Variants in SESTD1 observed in about 807,000 individuals in gnomAD.
The protein encoded by SESTD1 is SEC14 and spectrin domain containing 1, also known as SEC14 domain and spectrin repeat-containing protein 1.
Under a neutral mutation model 101.7 loss-of-function variants are expected in SESTD1, and 43 were observed. The ratio of observed to expected loss-of-function variants is 0.42; its 90% CI spans 0.33 to 0.55. The LOEUF (loss-of-function observed/expected upper bound fraction) is 0.55. SESTD1 is among the 20% of genes least tolerant of loss of function. The pLI is 0.07. For synonymous variants in SESTD1, 283 were observed against 286.8 expected (o/e 0.99, Z 0.13); for missense variants, 647 against 815.1 (o/e 0.79, Z 2.51).
rs2044413525 is a variant in SESTD1, at chr2:179,107,663, T to C, written c.*2236A>G. 1 of 152,166 alleles carries C rather than the reference T, an allele frequency of 6.6e-6. No homozygotes were observed. Among genetic ancestry groups the C allele is most frequent in the African/African-American group, 2.4e-5 (1 of 41,442 alleles). The allele number at this position is 152,166 out of a possible 1,614,324, so 9.4% of individuals were successfully genotyped here. On this transcript the variant is annotated 3_prime_UTR_variant, in exon 18 of 18. Coordinates refer to ENST00000428443, the MANE Select transcript of SESTD1 (RefSeq NM_178123.5). ...TTAAAAAAGTATGTTTAAAACATAC[T>C]TCAGACTGCAATGTAACAGGGATTA...
intron 1 of SESTD1, among the ~76,000 whole-genome samples, chr2:179,257,089 A>G (rs1313144818): frequency 1.3e-5 from 2 of 152,226 alleles, no homozygotes; most frequent in African/African-American, 2.4e-5. Context: ...GAGTCCATCA[A>G]TGTGGCATAC....
intron 1 of SESTD1, among the ~76,000 whole-genome samples, chr2:179,248,483 A>G (rs1012836225): frequency 1.3e-5 from 2 of 152,168 alleles, no homozygotes; most frequent in Admixed American, 6.5e-5. Flanking sequence ...CCTAAACTAA[A>G]TATTAGCAAA....
chr2:179,170,191 C>A, intron 5 of SESTD1, among the ~76,000 whole-genome samples: 1 of 149,510 alleles, frequency 6.7e-6, no homozygotes, highest in South Asian at 2.1e-4. Context: ...ACTGTTTCTC[C>A]ACCTGTGAAA....
chr2:179,162,585 GTT>G (rs1559122153), intron 5 of SESTD1: 3 of 151,912 alleles, frequency 2.0e-5, no homozygotes, highest in African/African-American at 7.3e-5. Context: ...ATTACTGAGT[GTT>G]CTTTCATGCA....
At chr2:179,194,105 G>C (rs921601021) in intron 1 of SESTD1, among the ~76,000 whole-genome samples, 3 of 152,046 alleles carry the variant, frequency 2.0e-5, no homozygotes, top group Non-Finnish European at 2.9e-5. Context: ...TCCCCAACTA[G>C]CTGGATGGGT....
At chr2:179,128,611 C>T (rs1383602741) in intron 10 of SESTD1, among the ~76,000 whole-genome samples, 1 of 151,902 alleles carries the variant, frequency 6.6e-6, no homozygotes, top group Admixed American at 6.6e-5. Context: ...TGCCTGTAAT[C>T]CCAGCTACTC....
chr2:179,242,058 C>T (rs977860730), intron 1 of SESTD1, among the ~76,000 whole-genome samples: 2 of 151,802 alleles, frequency 1.3e-5, no homozygotes, highest in Non-Finnish European at 2.9e-5. Flanking sequence ...GATTGTATAC[C>T]TAGAAAACAC....
chr2:179,187,798 C>T (rs1010570864), intron 2 of SESTD1, among the ~76,000 whole-genome samples: 2 of 152,040 alleles, frequency 1.3e-5, no homozygotes, highest in African/African-American at 4.8e-5. Flanking sequence ...TCAGAAAAAA[C>T]AGACTTTAAA....
Position 179,209,829 on chromosome 2 carries a change from C to T in SESTD1, c.-25-17963G>A, listed in dbSNP as rs987213669. ...ACTAGAGAAACAAGAACAAATGAAA[C>T]CCAAACCCAGCAGAAGAAAAGAAAT... On this transcript the variant is annotated intron_variant, in intron 1 of 17. Transcript: ENST00000428443. 2.1e-4 allele frequency among the ~76,000 whole-genome samples: 28 copies of T among 132,696 alleles called. 3 individuals are homozygous for T. Among genetic ancestry groups the T allele is most frequent in the Admixed American group, 1.5e-4 (2 of 13,674 alleles). The allele number at this position is 132,696 out of a possible 152,430, so 87.1% of individuals were successfully genotyped here. A position where few individuals can be genotyped will look rare whatever the true frequency, so the allele number is the denominator to read the frequency against.
In SESTD1 at chr2:179,209,761, C is replaced by A. The variant is rs973494588; in HGVS notation, c.-25-17895G>T. Among the ~76,000 whole-genome samples the A allele has an allele frequency of 3.0e-5, 4 of 133,066 alleles. 2 individuals are homozygous for A. The highest frequency in any genetic ancestry group is 1.2e-4 in the African/African-American group (4 of 33,448). The allele number at this position is 133,066 out of a possible 152,430, so 87.3% of individuals were successfully genotyped here. Reference sequence around the variant, plus strand: ...TTAAATGCCTATTACATCAAAAAGTCGGAAAGTGCACAAATTGACAATCTA... The same window carrying A: ...TTAAATGCCTATTACATCAAAAAGTAGGAAAGTGCACAAATTGACAATCTA... On this transcript the variant is annotated intron_variant, in intron 1 of 17. Transcript: ENST00000428443.
chr2:179,142,006 C>T lies in SESTD1; in HGVS notation c.849+1586G>A, dbSNP rs1407000425. Among the ~76,000 whole-genome samples, 5 of 152,118 alleles carry T rather than the reference C, an allele frequency of 3.3e-5. No individual in the cohort carries two copies. The South Asian group carries it at 6.2e-4, about 19-fold the overall frequency. Reference sequence around the variant, plus strand: ...CTTCCATGATCCAACTCCTTCCTTCCTTCCTTTCAAATCTTTTTTTCCCAT... The same window carrying T: ...CTTCCATGATCCAACTCCTTCCTTCTTTCCTTTCAAATCTTTTTTTCCCAT... On this transcript the variant is annotated intron_variant, in intron 9 of 17. Coordinates refer to ENST00000428443, the MANE Select transcript of SESTD1 (RefSeq NM_178123.5).
chr2:179,246,174 G>C (rs1296528035), intron 1 of SESTD1, among the ~76,000 whole-genome samples: 1 of 141,526 alleles, frequency 7.1e-6, no homozygotes, highest in Non-Finnish European at 1.5e-5. Flanking sequence ...AGAATTGCTT[G>C]AACACAAGAG....
At chr2:179,187,904 C>G (rs780265998) in intron 2 of SESTD1, among the ~76,000 whole-genome samples, 23 of 152,110 alleles carry the variant, frequency 1.5e-4, no homozygotes, top group Non-Finnish European at 3.1e-4. Context: ...TATACACATG[C>G]ACCCAACATT....
At chr2:179,174,610 A>G (rs2045979295) in intron 4 of SESTD1, among the ~76,000 whole-genome samples, 1 of 152,160 alleles carries the variant, frequency 6.6e-6, no homozygotes, top group Non-Finnish European at 1.5e-5. Context: ...TTTTTTTTCA[A>G]AGAAAAAGTT....
At chr2:179,172,428 G>C (rs1425728448) in intron 4 of SESTD1, among the ~76,000 whole-genome samples, 195 bp from the exon 5 acceptor site, 2 of 152,128 alleles carry the variant, frequency 1.3e-5, no homozygotes, top group Non-Finnish European at 2.9e-5. Flanking sequence ...AGGTGATTCA[G>C]AAAATACTTC....
intron 1 of SESTD1, among the ~76,000 whole-genome samples, chr2:179,220,025 C>G (rs1324877876): frequency 6.6e-6 from 1 of 152,082 alleles, no homozygotes; most frequent in East Asian, 1.9e-4. Context: ...TACTGCTAAT[C>G]CACCTTAAGA....
intron 1 of SESTD1, among the ~76,000 whole-genome samples, chr2:179,231,383 T>C (rs2046985189): frequency 1.3e-5 from 2 of 151,734 alleles, no homozygotes; most frequent in African/African-American, 4.8e-5. Flanking sequence ...AGATAAGAAT[T>C]ATAGGACACC....
chr2:179,166,378 T>TTAA (rs1275840039), intron 5 of SESTD1, among the ~76,000 whole-genome samples: 1 of 151,416 alleles, frequency 6.6e-6, no homozygotes, highest in Non-Finnish European at 1.5e-5. Flanking sequence ...AAAAAAAAAA[T>TTAA]CTTAGAGTGC....
chr2:179,187,193 G>A (rs1199780282), intron 2 of SESTD1, among the ~76,000 whole-genome samples: 1 of 152,114 alleles, frequency 6.6e-6, no homozygotes, highest in African/African-American at 2.4e-5. Flanking sequence ...ACCCTATAAA[G>A]CAACTACGCA....
Sources: allele counts gnomAD v4.1 joint callset (sites outside exome capture counted in the v4.1 genomes callset), GRCh38; gene constraint gnomAD v4.1.1; transcripts MANE v1.5; gene names NCBI Gene and HGNC (gene_info 2026-07-23, HGNC 2026-07-21).